The following SLIT2 variants were observed in gnomAD, a reference collection of about 807,000 sequenced individuals.
SLIT2 encodes slit homolog 2 protein.
In SLIT2, 41 loss-of-function variants were observed where a neutral mutation model predicts 185.7. The ratio of observed to expected loss-of-function variants is 0.22; its 90% CI spans 0.17 to 0.29. The LOEUF (loss-of-function observed/expected upper bound fraction) is 0.29. Among genes scored for constraint, SLIT2 ranks in the 10% least tolerant of loss-of-function variants. SLIT2 has a pLI of 1.00. For synonymous variants in SLIT2, 693 were observed against 680.2 expected (o/e 1.02, Z -0.29); for missense variants, 1,571 against 1,909.0 (o/e 0.82, Z 3.30).
At chr4:20,354,115 A>G (rs1027798155) in intron 4 of SLIT2, among the ~76,000 whole-genome samples, 1 of 152,110 alleles carries the variant, frequency 6.6e-6, no homozygotes, top group African/African-American at 2.4e-5. Context: ...AATTTTTGCA[A>G]TTTCCCTCAA....
chr4:20,539,730 T>G, intron 19 of SLIT2, 146 bp downstream of exon 19: 1 of 472,934 alleles, frequency 2.1e-6, no homozygotes, highest in Non-Finnish European at 3.5e-6. Context: ...ATCAAATTTA[T>G]TTAAATTTTT....
intron 29 of SLIT2, among the ~76,000 whole-genome samples, chr4:20,579,742 A>G (rs1560211374): frequency 6.6e-6 from 1 of 151,934 alleles, no homozygotes; most frequent in Non-Finnish European, 1.5e-5. Flanking sequence ...TATAATCAGT[A>G]AATTTATTTT....
intron 29 of SLIT2, among the ~76,000 whole-genome samples, chr4:20,576,478 A>T (rs960500232): frequency 1.3e-5 from 2 of 152,116 alleles, no homozygotes; most frequent in Non-Finnish European, 1.5e-5. Context: ...GGATTTGTAG[A>T]TTTTGTGTAT....
At chr4:20,556,223 T>C (rs2148898675) in intron 26 of SLIT2, among the ~76,000 whole-genome samples, 1 of 152,012 alleles carries the variant, frequency 6.6e-6, no homozygotes, top group African/African-American at 2.4e-5. Context: ...CTGAGAAGTA[T>C]ATCATTATTT....
intron 4 of SLIT2, among the ~76,000 whole-genome samples, chr4:20,408,152 T>C (rs919678564): frequency 6.6e-6 from 1 of 152,174 alleles, no homozygotes; most frequent in Admixed American, 6.5e-5. Flanking sequence ...TACTCATTTG[T>C]TTAACAGAGG....
intron 4 of SLIT2, among the ~76,000 whole-genome samples, chr4:20,313,686 G>A (rs577644190): frequency 6.6e-6 from 1 of 152,284 alleles, no homozygotes; most frequent in East Asian, 1.9e-4. Context: ...GAATGGGTGG[G>A]GGATTGTTTT....
chr4:20,274,683 T>A (rs1713981808), intron 4 of SLIT2, among the ~76,000 whole-genome samples: 1 of 151,632 alleles, frequency 6.6e-6, no homozygotes, highest in Non-Finnish European at 1.5e-5. Flanking sequence ...GAGTGTGAAA[T>A]CCACAGCATA....
chr4:20,509,723 C>T (rs543691980), intron 9 of SLIT2, among the ~76,000 whole-genome samples: 1 of 152,316 alleles, frequency 6.6e-6, no homozygotes, highest in South Asian at 2.1e-4. Context: ...AGACTTCATG[C>T]AATCTACTTA....
At chr4:20,267,740 A>G (rs1445130776) in intron 3 of SLIT2, among the ~76,000 whole-genome samples, 1 of 151,732 alleles carries the variant, frequency 6.6e-6, no homozygotes, top group Admixed American at 6.6e-5. Flanking sequence ...CTACCCGATG[A>G]CCCTTGCAAT....
chr4:20,281,845 G>A (rs1274005947), intron 4 of SLIT2, among the ~76,000 whole-genome samples: 2 of 152,152 alleles, frequency 1.3e-5, no homozygotes, highest in Non-Finnish European at 2.9e-5. Context: ...TGAGAATAAC[G>A]CTTGTAGCTA....
intron 7 of SLIT2, among the ~76,000 whole-genome samples, 183 bp from the exon 8 acceptor site, chr4:20,488,636 C>G (rs1054748849): frequency 1.3e-5 from 2 of 152,142 alleles, no homozygotes; most frequent in African/African-American, 4.8e-5. Flanking sequence ...ATAAATTGCT[C>G]AGTTCAGACT....
At chr4:20,597,460 A>G (rs918476679) in intron 32 of SLIT2, among the ~76,000 whole-genome samples, 30 of 152,210 alleles carry the variant, frequency 2.0e-4, no homozygotes, top group African/African-American at 7.0e-4. Context: ...AACTCACTGT[A>G]TACCTTTAAG....
At chr4:20,432,793 T>G (rs1167593936) in intron 4 of SLIT2, among the ~76,000 whole-genome samples, 1 of 152,206 alleles carries the variant, frequency 6.6e-6, no homozygotes, top group African/African-American at 2.4e-5. Flanking sequence ...ATTCATTACT[T>G]TAATTGCAAA....
intron 4 of SLIT2, among the ~76,000 whole-genome samples, chr4:20,272,040 T>C (rs1051621028): frequency 1.3e-5 from 2 of 152,120 alleles, no homozygotes; most frequent in Non-Finnish European, 2.9e-5. Flanking sequence ...GCACTACATG[T>C]TCAGGTCAAG....
chr4:20,553,555 C>T (rs886099376), intron 25 of SLIT2, among the ~76,000 whole-genome samples: 1 of 152,172 alleles, frequency 6.6e-6, no homozygotes, highest in African/African-American at 2.4e-5. Flanking sequence ...TCTAAAGCAA[C>T]ATGAGTGTTG....
chr4:20,568,795 A>AAT, intron 28 of SLIT2, 70 bp from the exon 29 acceptor site: 1 of 1,409,582 alleles, frequency 7.1e-7, no homozygotes, highest in Non-Finnish European at 9.8e-7. Flanking sequence ...TGCTTTTTTC[A>AAT]ATATTTAGAC....
chr4:20,299,375 G>T (rs1716820254), intron 4 of SLIT2, among the ~76,000 whole-genome samples: 1 of 152,168 alleles, frequency 6.6e-6, no homozygotes, highest in Non-Finnish European at 1.5e-5. Flanking sequence ...TTTTAGTGAA[G>T]AAATAGCTAT....
At chr4:20,562,285 C>T (rs1724758711) in intron 26 of SLIT2, among the ~76,000 whole-genome samples, 1 of 151,702 alleles carries the variant, frequency 6.6e-6, no homozygotes. Flanking sequence ...AATCTCTTGG[C>T]TTCCTCATTC....
At chr4:20,279,767 C>G (rs900297792) in intron 4 of SLIT2, among the ~76,000 whole-genome samples, 2 of 152,000 alleles carry the variant, frequency 1.3e-5, no homozygotes, top group Admixed American at 1.3e-4. Flanking sequence ...TTTTTTGCTT[C>G]CTTTTATCAT....
Sources: gnomAD v4.1 joint callset for allele counts (sites outside exome capture counted in the v4.1 genomes callset) on GRCh38, gnomAD v4.1.1 for gene constraint, MANE v1.5 for transcripts, NCBI Gene and HGNC (gene_info 2026-07-23, HGNC 2026-07-21) for gene names.